PRDX1: variants seen among roughly 807,000 people sequenced by gnomAD.
The protein encoded by PRDX1 is peroxiredoxin 1, also known as peroxiredoxin-1.
PRDX1 carries 19 observed loss-of-function variants against 20.7 expected under a neutral mutation model. The ratio of observed to expected loss-of-function variants is 0.92; its 90% confidence interval spans 0.64 to 1.35. The LOEUF is 1.35. Among genes scored for constraint, PRDX1 ranks in the 40% most tolerant of loss-of-function variants. PRDX1 has a pLI of 0.00. For synonymous variants in PRDX1, 89 were observed against 83.9 expected (o/e 1.06, Z -0.33); for missense variants, 226 against 240.0 (o/e 0.94, Z 0.38).
Position 45,511,275 on chromosome 1 carries a change from A to G in PRDX1, c.*54T>C. On this transcript the variant is annotated 3_prime_UTR_variant, in exon 6 of 6. Coordinates refer to ENST00000319248, the MANE Select transcript of PRDX1 (RefSeq NM_181697.3). ...CTAATGGAAAAAAAAAATACAGAAGAGGTTTTGTTCTCATGGCTGCCCACC... is the reference window on the plus strand; with the variant it reads ...CTAATGGAAAAAAAAAATACAGAAGGGGTTTTGTTCTCATGGCTGCCCACC... The G allele has an allele frequency of 7.3e-7, 1 of 1,378,754 alleles. No individual in the cohort carries two copies. Among genetic ancestry groups the G allele is most frequent in the East Asian group, 2.4e-5 (1 of 41,376 alleles). The allele number at this position is 1,378,754 out of a possible 1,614,324, so 85.4% of individuals were successfully genotyped here.
At position 45,511,224 on chromosome 1, in the gene PRDX1, G is replaced by C; in HGVS notation, c.*105C>G. ...CCTGCCTTGTAAGACACCACAATTC[G>C]GCTGAATCTGAAGTCTTGTGTTTTA... On this transcript the variant is annotated 3_prime_UTR_variant, in exon 6 of 6. Coordinates refer to ENST00000319248, the MANE Select transcript of PRDX1 (RefSeq NM_181697.3). 1.0e-6 allele frequency: 1 copy of C among 965,070 alleles called. No homozygotes were observed. Among genetic ancestry groups the C allele is most frequent in the South Asian group, 1.7e-5 (1 of 58,726 alleles). The allele number at this position is 965,070 out of a possible 1,614,324, so 59.8% of individuals were successfully genotyped here. A position where few individuals can be genotyped will look rare whatever the true frequency, so the allele number is the denominator to read the frequency against.
intron 2 of PRDX1, 87 bp from the exon 3 acceptor site, chr1:45,515,894 G>T: frequency 7.6e-7 from 1 of 1,309,274 alleles, no homozygotes; most frequent in Non-Finnish European, 1.0e-6. Context: ...CAAGTTGATG[G>T]CTGACACAAT....
rs145235782 is a variant in PRDX1 at position 45,517,191 on chromosome 1, C to T, written c.107-1384G>A. 6.6e-5 allele frequency among the ~76,000 whole-genome samples: 10 copies of T among 152,234 alleles called. No homozygotes were observed. In the East Asian group the frequency reaches 1.9e-3, roughly 29 times the overall value. ...CAGAGAACAGCTCCTCCTAGACCTC[C>T]TGCTTATACCCCTGGGCCCAGGTCA... On this transcript the variant is annotated intron_variant, in intron 2 of 5. Coordinates refer to ENST00000319248, the MANE Select transcript of PRDX1 (RefSeq NM_181697.3).
At chr1:45,519,489 C>T (rs1003065562) in intron 1 of PRDX1, among the ~76,000 whole-genome samples, 12 of 152,232 alleles carry the variant, frequency 7.9e-5, no homozygotes, top group African/African-American at 2.9e-4. Context: ...CATCACTGTG[C>T]CTCCACCTGC....
intron 2 of PRDX1, among the ~76,000 whole-genome samples, chr1:45,518,315 A>C (rs1186539505): frequency 2.0e-5 from 3 of 151,958 alleles, no homozygotes; most frequent in Non-Finnish European, 2.9e-5. Flanking sequence ...ATACAAAAAA[A>C]AATTAGCCAG....
intron 1 of PRDX1, among the ~76,000 whole-genome samples, chr1:45,521,107 C>G (rs1643908386): frequency 6.6e-6 from 1 of 152,200 alleles, no homozygotes; most frequent in Non-Finnish European, 1.5e-5. Context: ...TTGGTGCCCC[C>G]AAATGGCCTT....
upstream of PRDX1, among the ~76,000 whole-genome samples, chr1:45,522,136 G>A (rs1461105849): frequency 6.6e-6 from 1 of 152,176 alleles, no homozygotes; most frequent in Non-Finnish European, 1.5e-5. Flanking sequence ...CGAACGCTTA[G>A]GTTAATCCTA....
chr1:45,517,468 G>C (rs1643871492), intron 2 of PRDX1, among the ~76,000 whole-genome samples: 1 of 152,158 alleles, frequency 6.6e-6, no homozygotes, highest in South Asian at 2.1e-4. Flanking sequence ...AACAGAACTT[G>C]CCAAGTGTCT....
intron 2 of PRDX1, 119 bp from the exon 3 acceptor site, chr1:45,515,926 T>A: frequency 1.0e-6 from 1 of 995,390 alleles, no homozygotes; most frequent in African/African-American, 1.7e-5. Flanking sequence ...GCCAAGATGC[T>A]CAATACAGAT....
intron 2 of PRDX1, among the ~76,000 whole-genome samples, chr1:45,518,170 T>C (rs180676017): frequency 3.3e-5 from 5 of 151,154 alleles, no homozygotes; most frequent in African/African-American, 7.3e-5. Flanking sequence ...CTACAAAAAG[T>C]ACAAAAATTA....
In PRDX1 at chr1:45,514,628, A is replaced by C. The variant is rs559977536; in HGVS notation, c.393T>G (p.Phe131Leu). 23 of 1,613,614 alleles carry C rather than the reference A, an allele frequency of 1.4e-5. No homozygotes were observed. The highest frequency in any genetic ancestry group is 8.0e-5 in the African/African-American group (6 of 75,030). The change falls in exon 5 of 6, where the codon TTT becomes TTG. Residue 131 changes from phenylalanine to leucine, a missense_variant. Transcript: ENST00000319248. ...GAAGAATACCCTTATCATCAATGAT[A>C]AAAAGGCCCCTGGGAAAAGAGATGA... ...ADEGISFRGLFIIDDKGILRQ... is the reference protein window; with the variant it reads ...ADEGISFRGLLIIDDKGILRQ...
intron 5 of PRDX1, among the ~76,000 whole-genome samples, chr1:45,513,813 C>A (rs183882820): frequency 6.6e-6 from 1 of 152,346 alleles, no homozygotes; most frequent in Admixed American, 6.5e-5. Context: ...CGGAAGGCCA[C>A]AGGGACCTCT....
chr1:45,520,304 AC>A (rs58962251), intron 1 of PRDX1, among the ~76,000 whole-genome samples: 110,951 of 151,426 alleles, frequency 0.73, 41,097 homozygotes, highest in East Asian at 0.92. Flanking sequence ...AATTCCCTTC[AC>A]CATTTGTGAA....
At position 45,515,823 on chromosome 1, in the gene PRDX1, G is replaced by T; in HGVS notation, c.107-16C>A. The T allele has an allele frequency of 6.5e-7, 1 of 1,544,672 alleles. No homozygotes were observed. The highest frequency in any genetic ancestry group is 1.4e-5 in the African/African-American group (1 of 70,012). ...ACATATTTTCCTGGGGGGAAAATCG[G>T]AGTCATGGTTAGCATTTGACACAGA... On this transcript the variant is annotated splice_polypyrimidine_tract_variant and intron_variant, in intron 2 of 5. Coordinates refer to ENST00000319248, the MANE Select transcript of PRDX1 (RefSeq NM_181697.3).
At chr1:45,521,436 T>A (rs529663622) in intron 1 of PRDX1, among the ~76,000 whole-genome samples, 1 of 152,094 alleles carries the variant, frequency 6.6e-6, no homozygotes, top group Non-Finnish European at 1.5e-5. Flanking sequence ...GCCAAATACA[T>A]AGAGGCTGTC....
chr1:45,511,774 C>G (rs1643751165), intron 5 of PRDX1: 1 of 160,852 alleles, frequency 6.2e-6, no homozygotes, highest in Non-Finnish European at 1.4e-5. Flanking sequence ...TAAACTGTTT[C>G]TGACAGCCCT....
At chr1:45,512,069 C>CTTTTTTTTTTTTT (rs869087041) in intron 5 of PRDX1, 5 of 66,904 alleles carry the variant, frequency 7.5e-5, no homozygotes, top group African/African-American at 1.2e-4. Flanking sequence ...TCTTATTTTT[C>CTTTTTTTTTTTTT]TTTTTTTTTT....
intron 3 of PRDX1, 43 bp from the exon 4 acceptor site, chr1:45,515,038 C>A: frequency 6.2e-7 from 1 of 1,606,404 alleles, no homozygotes; most frequent in Non-Finnish European, 8.5e-7. Context: ...AAACTCTTGA[C>A]TTGACTGTAC....
chr1:45,516,781 GGAGGCC>G (rs1376348628), intron 2 of PRDX1, among the ~76,000 whole-genome samples: 2 of 152,082 alleles, frequency 1.3e-5, no homozygotes, highest in Non-Finnish European at 2.9e-5. Flanking sequence ...AGGCAGTTTG[GGAGGCC>G]GAGGCGGGTG....
Sources: gnomAD v4.1 joint callset for allele counts (sites outside exome capture counted in the v4.1 genomes callset) on GRCh38, gnomAD v4.1.1 for gene constraint, MANE v1.5 for transcripts, NCBI Gene and HGNC (gene_info 2026-07-23, HGNC 2026-07-21) for gene names.